Variants in TRDN observed in about 807,000 individuals in gnomAD.
The protein encoded by TRDN is triadin in skeletal muscle.
A neutral mutation model predicts 149.7 loss-of-function variants in TRDN; 161 were observed. The ratio of observed to expected loss-of-function variants is 1.08; its 90% confidence interval spans 0.95 to 1.23. The LOEUF (loss-of-function observed/expected upper bound fraction) is 1.23. Ranked by LOEUF, TRDN falls within the 50% of genes most tolerant of loss-of-function variation. The pLI is 0.00. For missense variants in TRDN, 896 were observed against 823.5 expected, an observed-to-expected ratio of 1.09 and a Z score of -1.08; for synonymous variants, 294 against 250.5, an observed-to-expected ratio of 1.17 and a Z score of -1.64.
chr6:123,389,276 A>C (rs1489904535), intron 13 of TRDN: 1 of 152,132 alleles, frequency 6.6e-6, no homozygotes, highest in African/African-American at 2.4e-5. Flanking sequence ...GTTCTGTGTA[A>C]TGTTTATCCA....
chr6:123,418,595 T>C (rs537843487), intron 12 of TRDN: 1 of 152,100 alleles, frequency 6.6e-6, no homozygotes, highest in Non-Finnish European at 1.5e-5. Context: ...GGTAGGTGGC[T>C]ACAAGAATCT....
chr6:123,386,111 A>G (rs1023705457), intron 14 of TRDN, among the ~76,000 whole-genome samples: 2 of 152,218 alleles, frequency 1.3e-5, no homozygotes, highest in African/African-American at 4.8e-5. Context: ...ATAAGGGATA[A>G]AAGTTAATTG....
intron 10 of TRDN, chr6:123,457,656 G>C (rs2114680734): frequency 2.5e-6 from 1 of 403,464 alleles, no homozygotes; most frequent in African/African-American, 2.1e-5. Context: ...ACTTTTCCAT[G>C]ACACTAAGCT....
chr6:123,590,018 T>A (rs1263252526), intron 1 of TRDN, among the ~76,000 whole-genome samples: 1 of 152,172 alleles, frequency 6.6e-6, no homozygotes, highest in Non-Finnish European at 1.5e-5. Context: ...CATCCATTTG[T>A]TGGAAAAGTA....
At chr6:123,517,171 T>C (rs1304394964) in intron 5 of TRDN, among the ~76,000 whole-genome samples, 1 of 152,090 alleles carries the variant, frequency 6.6e-6, no homozygotes, top group Non-Finnish European at 1.5e-5. Flanking sequence ...TGTTGATGTA[T>C]GAAATGACCT....
intron 1 of TRDN, among the ~76,000 whole-genome samples, chr6:123,574,120 G>A (rs942830481): frequency 1.1e-4 from 16 of 151,918 alleles, no homozygotes; most frequent in South Asian, 2.1e-4. Context: ...AGATAACAGT[G>A]ATAAATTTAG....
At chr6:123,334,952 G>A (rs977340622) in intron 22 of TRDN, among the ~76,000 whole-genome samples, 4 of 151,930 alleles carry the variant, frequency 2.6e-5, no homozygotes, top group Admixed American at 6.6e-5. Context: ...ATCTCTTAGT[G>A]GTTTAATAGA....
chr6:123,395,875 C>A (rs565034465), intron 12 of TRDN, among the ~76,000 whole-genome samples: 1 of 152,088 alleles, frequency 6.6e-6, no homozygotes, highest in African/African-American at 2.4e-5. Flanking sequence ...ACCTCAATTG[C>A]GTTTTCACCC....
chr6:123,221,472 T>C lies in TRDN; in HGVS notation c.2050+15A>G. ...ACAGAATGATTTATTACTTTTAATCTCATTATAAACTTACTTTTCTGCTTT... is the reference window on the plus strand; with the variant it reads ...ACAGAATGATTTATTACTTTTAATCCCATTATAAACTTACTTTTCTGCTTT... On this transcript the variant is annotated intron_variant, in intron 40 of 40. Transcript: ENST00000334268. The C allele has an allele frequency of 6.5e-7, 1 of 1,529,248 alleles. No individual in the cohort carries two copies. Among genetic ancestry groups the C allele is most frequent in the Non-Finnish European group, 9.0e-7 (1 of 1,113,258 alleles). The allele number at this position is 1,529,248 out of a possible 1,614,324, so 94.7% of individuals were successfully genotyped here.
At chr6:123,304,621 T>G (rs1006338404) in intron 24 of TRDN, among the ~76,000 whole-genome samples, 2 of 152,150 alleles carry the variant, frequency 1.3e-5, no homozygotes, top group Non-Finnish European at 1.5e-5. Context: ...TATAAACATG[T>G]TTTTTCTCTT....
intron 1 of TRDN, among the ~76,000 whole-genome samples, chr6:123,606,359 GT>G (rs545492300): frequency 1.1e-3 from 169 of 151,812 alleles, no homozygotes; most frequent in African/African-American, 4.0e-3. Context: ...AACAAGCATG[GT>G]TTTTTTCCCT....
intron 26 of TRDN, among the ~76,000 whole-genome samples, chr6:123,276,697 C>T (rs967509897): frequency 2.6e-5 from 4 of 152,122 alleles, no homozygotes; most frequent in Non-Finnish European, 5.9e-5. Flanking sequence ...CAGGAAACAT[C>T]TGTGGAGGAC....
At chr6:123,243,927 A>T (rs1776080737) in intron 38 of TRDN, among the ~76,000 whole-genome samples, 1 of 152,170 alleles carries the variant, frequency 6.6e-6, no homozygotes, top group African/African-American at 2.4e-5. Flanking sequence ...GTCTAGCAAG[A>T]CACTTGGACA....
chr6:123,582,170 C>G (rs552265901), intron 1 of TRDN, among the ~76,000 whole-genome samples: 10 of 152,218 alleles, frequency 6.6e-5, no homozygotes, highest in African/African-American at 2.2e-4. Context: ...TGAGACAACT[C>G]GAAATGGGGG....
chr6:123,327,607 C>A (rs1054291577), intron 23 of TRDN, among the ~76,000 whole-genome samples: 1 of 151,840 alleles, frequency 6.6e-6, no homozygotes, highest in African/African-American at 2.4e-5. Flanking sequence ...AATAGGGTAC[C>A]CTGAACGAAT....
chr6:123,265,067 A>G (rs554796114), intron 33 of TRDN, among the ~76,000 whole-genome samples: 2 of 152,004 alleles, frequency 1.3e-5, no homozygotes, highest in East Asian at 3.9e-4. Flanking sequence ...ATCACTAAAC[A>G]TCTCTTCATG....
At chr6:123,345,458 G>A (rs535197066) in intron 21 of TRDN, among the ~76,000 whole-genome samples, 1 of 152,012 alleles carries the variant, frequency 6.6e-6, no homozygotes, top group African/African-American at 2.4e-5. Context: ...CCTGATTACT[G>A]TATTTTTACA....
chr6:123,530,214 C>T (rs1411151179), intron 5 of TRDN, among the ~76,000 whole-genome samples: 1 of 151,902 alleles, frequency 6.6e-6, no homozygotes, highest in Non-Finnish European at 1.5e-5. Context: ...ATTATTTCCT[C>T]AGTAAATCAA....
chr6:123,405,737 A>T (rs938078937), intron 12 of TRDN, among the ~76,000 whole-genome samples: 1 of 152,222 alleles, frequency 6.6e-6, no homozygotes, highest in Non-Finnish European at 1.5e-5. Flanking sequence ...ATTTAATTTA[A>T]AAAACAAATA....
Sources: gnomAD v4.1 joint callset for allele counts (sites outside exome capture counted in the v4.1 genomes callset) on GRCh38, gnomAD v4.1.1 for gene constraint, MANE v1.5 for transcripts, NCBI Gene and HGNC (gene_info 2026-07-23, HGNC 2026-07-21) for gene names.